The following XXYLT1 variants were observed in gnomAD, a reference collection of about 807,000 sequenced individuals.
XXYLT1 encodes the protein UDP-xylose:alpha-xyloside alpha-1,3-xylosyltransferase.
Under a neutral mutation model 28.9 loss-of-function variants are expected in XXYLT1, and 20 were observed. The observed-to-expected ratio is 0.69, with a 90% CI of 0.49 to 1.00. The LOEUF is 1.00. Ranked by LOEUF, XXYLT1 falls within the 50% of genes least tolerant of loss-of-function variation. The pLI is 0.00. For synonymous variants in XXYLT1, 257 were observed against 253.8 expected, an observed-to-expected ratio of 1.01 and a Z score of -0.12; for missense variants, 542 against 560.1, an observed-to-expected ratio of 0.97 and a Z score of 0.33.
intron 1 of XXYLT1, among the ~76,000 whole-genome samples, chr3:195,233,549 A>C (rs988346775): frequency 1.3e-5 from 2 of 152,326 alleles, no homozygotes; most frequent in Middle Eastern, 3.4e-3. Context: ...AGATTTGCAA[A>C]TAATATTTTA....
chr3:195,258,215 G>C (rs1725549853), intron 1 of XXYLT1, among the ~76,000 whole-genome samples: 1 of 152,202 alleles, frequency 6.6e-6, no homozygotes, highest in Admixed American at 6.5e-5. Context: ...AACAGCCACA[G>C]AGGGTGAGGC....
intron 2 of XXYLT1, among the ~76,000 whole-genome samples, chr3:195,204,468 A>ACTCTCT (rs1316535464): frequency 5.2e-5 from 6 of 114,838 alleles, no homozygotes; most frequent in African/African-American, 1.9e-4. Context: ...ACACACACTC[A>ACTCTCT]CTCTCTCACT....
intron 3 of XXYLT1, among the ~76,000 whole-genome samples, chr3:195,101,839 G>C (rs1380705106): frequency 1.4e-5 from 2 of 142,686 alleles, no homozygotes; most frequent in Non-Finnish European, 3.1e-5. Flanking sequence ...GAGGGGAGGA[G>C]AGGGGAGGGA....
intron 3 of XXYLT1, among the ~76,000 whole-genome samples, chr3:195,096,525 C>A (rs894902891): frequency 6.6e-6 from 1 of 152,208 alleles, no homozygotes; most frequent in Non-Finnish European, 1.5e-5. Context: ...CACACACACA[C>A]GCATACATTT....
intron 1 of XXYLT1, among the ~76,000 whole-genome samples, chr3:195,267,046 T>G (rs1725869779): frequency 6.6e-6 from 1 of 152,274 alleles, no homozygotes; most frequent in Non-Finnish European, 1.5e-5. Context: ...TGAATCCTTT[T>G]TAGCTAATAT....
At chr3:195,106,503 G>C (rs1355673368) in intron 3 of XXYLT1, among the ~76,000 whole-genome samples, 7 of 152,238 alleles carry the variant, frequency 4.6e-5, no homozygotes, top group Admixed American at 1.3e-4. Context: ...GGGCTCGCTG[G>C]AACCTTCCAG....
rs1577204278 is a variant in XXYLT1 at position 195,256,607 on chromosome 3, T to C, written c.504+13948A>G. ...TTCAGGATGGGGTCTGGAAAGGGCATGAGCTCTGTAAGCCCCCAGCACTGT... is the reference window on the plus strand; with the variant it reads ...TTCAGGATGGGGTCTGGAAAGGGCACGAGCTCTGTAAGCCCCCAGCACTGT... On this transcript the variant is annotated intron_variant, in intron 1 of 3. Coordinates refer to ENST00000310380, the MANE Select transcript of XXYLT1 (RefSeq NM_152531.5). This position sits in a 1 kb window ranked among gnomAD's most constrained non-coding sequence, Gnocchi z 4.2. 4 of 982,864 alleles carry C rather than the reference T, an allele frequency of 4.1e-6. No homozygotes were observed. The highest frequency in any genetic ancestry group is 2.3e-4 in the East Asian group (2 of 8,804). The allele number at this position is 982,864 out of a possible 1,614,324, so 60.9% of individuals were successfully genotyped here.
chr3:195,214,784 C>T (rs1723488272), intron 2 of XXYLT1: 1 of 152,228 alleles, frequency 6.6e-6, no homozygotes, highest in Non-Finnish European at 1.5e-5. Context: ...ACATTGATTA[C>T]TGGTGCTCGC....
At chr3:195,263,706 G>A (rs13082497) in intron 1 of XXYLT1, among the ~76,000 whole-genome samples, 7 of 152,156 alleles carry the variant, frequency 4.6e-5, no homozygotes, top group Non-Finnish European at 8.8e-5. Flanking sequence ...GATCATGGGG[G>A]ATGTGCAGTT....
chr3:195,268,963 A>C (rs1725932175), intron 1 of XXYLT1, among the ~76,000 whole-genome samples: 1 of 152,226 alleles, frequency 6.6e-6, no homozygotes, highest in South Asian at 2.1e-4. Context: ...GTAGAAAAGG[A>C]AAGAAGGGAC....
chr3:195,145,224 G>C (rs1719770299), intron 3 of XXYLT1, among the ~76,000 whole-genome samples: 1 of 152,004 alleles, frequency 6.6e-6, no homozygotes. Context: ...CAGCGGGCTT[G>C]TTTGTGTTTG....
intron 1 of XXYLT1, among the ~76,000 whole-genome samples, chr3:195,239,763 T>A (rs909656746): frequency 1.5e-4 from 23 of 152,322 alleles, no homozygotes; most frequent in African/African-American, 4.3e-4. Flanking sequence ...CCAGAGCACG[T>A]CCTCCTCACC....
At chr3:195,188,427 T>G (rs1722288427) in intron 2 of XXYLT1, among the ~76,000 whole-genome samples, 3 of 152,216 alleles carry the variant, frequency 2.0e-5, no homozygotes, top group Admixed American at 1.3e-4. Context: ...ACCCTCATCC[T>G]AGAAATTTCT....
At chr3:195,179,152 C>T (rs1721819669) in intron 2 of XXYLT1, among the ~76,000 whole-genome samples, 1 of 151,916 alleles carries the variant, frequency 6.6e-6, no homozygotes, top group Non-Finnish European at 1.5e-5. Flanking sequence ...CCATCTTGGG[C>T]AATATGGTGA....
At chr3:195,191,786 TA>T (rs1722431880) in intron 2 of XXYLT1, among the ~76,000 whole-genome samples, 1 of 152,182 alleles carries the variant, frequency 6.6e-6, no homozygotes, top group African/African-American at 2.4e-5. Flanking sequence ...TTTAAAATTA[TA>T]AAAGGGCCAA....
At position 195,150,009 on chromosome 3, in the gene XXYLT1, C is replaced by G. The variant is rs770935881; in HGVS notation, c.785+6440G>C. ...GGAAAGGGGTTAAGATGCTGAGAAG[C>G]CAAAAGATGAGCAATAATTTTGCTA... On this transcript the variant is annotated intron_variant, in intron 3 of 3. Transcript: ENST00000310380. The surrounding 1 kb of genome is among the most constrained non-coding windows in gnomAD (Gnocchi z 4.7). Among the ~76,000 whole-genome samples the G allele has an allele frequency of 3.3e-5, 5 of 152,036 alleles. No individual in the cohort carries two copies. The highest frequency in any genetic ancestry group is 4.8e-5 in the African/African-American group (2 of 41,386).
At chr3:195,159,120 C>G (rs1720745451) in intron 2 of XXYLT1, among the ~76,000 whole-genome samples, 1 of 152,042 alleles carries the variant, frequency 6.6e-6, no homozygotes, top group South Asian at 2.1e-4. Flanking sequence ...AGACATGAAA[C>G]CTAAGAATCA....
Position 195,256,076 on chromosome 3 carries a change from G to T in XXYLT1, c.504+14479C>A, listed in dbSNP as rs912632075. Among the ~76,000 whole-genome samples, 1 of 152,184 alleles carries T rather than the reference G, an allele frequency of 6.6e-6. No homozygotes were observed. Among genetic ancestry groups the T allele is most frequent in the African/African-American group, 2.4e-5 (1 of 41,424 alleles). On this transcript the variant is annotated intron_variant, in intron 1 of 3. Coordinates refer to ENST00000310380, the MANE Select transcript of XXYLT1 (RefSeq NM_152531.5). This position sits in a 1 kb window ranked among gnomAD's most constrained non-coding sequence, Gnocchi z 4.2. ...CAGGGGCACCGTGGGAACCCTTCTG[G>T]TGGGGCCCCAGCTCTCACAGAGCAT... is the stretch of plus-strand genomic sequence containing the variant.
chr3:195,122,136 T>C, intron 3 of XXYLT1: 1 of 702,970 alleles, frequency 1.4e-6, no homozygotes, highest in Non-Finnish European at 2.6e-6. Flanking sequence ...CCTCATATGG[T>C]GAAGGGGTGA....
Sources: gnomAD v4.1 joint callset for allele counts (sites outside exome capture counted in the v4.1 genomes callset) on GRCh38, gnomAD v4.1.1 for gene constraint, Gnocchi (gnomAD v3.1) non-coding constraint, MANE v1.5 for transcripts, NCBI Gene and HGNC (gene_info 2026-07-23, HGNC 2026-07-21) for gene names.